The following SH3RF3 variants were observed in gnomAD, a reference collection of about 807,000 sequenced individuals.
The protein encoded by SH3RF3 is SH3 domain containing ring finger 3, also known as E3 ubiquitin-protein ligase SH3RF3.
In SH3RF3, 29 loss-of-function variants were observed where a neutral mutation model predicts 66.3. The ratio of observed to expected loss-of-function variants is 0.44; its 90% CI spans 0.33 to 0.60. The LOEUF (loss-of-function observed/expected upper bound fraction) is 0.60. Ranked by LOEUF, SH3RF3 falls within the 20% of genes least tolerant of loss-of-function variation. The probability of loss-of-function intolerance (pLI) is 0.04; values close to 1 mark genes in which losing one functional copy is unlikely to be tolerated. For synonymous variants in SH3RF3, 583 were observed against 532.0 expected (o/e 1.10, Z -1.32); for missense variants, 1,194 against 1,190.9 (o/e 1.00, Z -0.04).
chr2:109,214,041 G>A (rs1033938626), intron 1 of SH3RF3, among the ~76,000 whole-genome samples: 2 of 152,134 alleles, frequency 1.3e-5, no homozygotes, highest in Non-Finnish European at 2.9e-5. Context: ...CTGCAGTTCT[G>A]GTTGGAGGAA....
chr2:109,383,688 C>G (rs1308420482), intron 3 of SH3RF3, among the ~76,000 whole-genome samples: 1 of 152,132 alleles, frequency 6.6e-6, no homozygotes, highest in Non-Finnish European at 1.5e-5. Flanking sequence ...AGCTTCATTT[C>G]GTTGCTGCTC....
chr2:109,380,003 C>T (rs755291681), intron 3 of SH3RF3, among the ~76,000 whole-genome samples: 3 of 152,014 alleles, frequency 2.0e-5, no homozygotes, highest in Non-Finnish European at 4.4e-5. Context: ...ATTGGATTAA[C>T]GACATAAAGA....
intron 1 of SH3RF3, among the ~76,000 whole-genome samples, chr2:109,271,036 A>G (rs534007926): frequency 1.3e-5 from 2 of 152,248 alleles, no homozygotes; most frequent in South Asian, 4.1e-4. Context: ...GTGCCTGGTG[A>G]TGTCCTGAGT....
chr2:109,469,147 A>T (rs1217119372), intron 8 of SH3RF3, among the ~76,000 whole-genome samples: 1 of 152,286 alleles, frequency 6.6e-6, no homozygotes, highest in Middle Eastern at 3.4e-3. Context: ...CACCCCAAGA[A>T]TGCGGGCCCC....
intron 1 of SH3RF3, among the ~76,000 whole-genome samples, chr2:109,215,704 G>A (rs553486392): frequency 2.0e-5 from 3 of 152,306 alleles, no homozygotes; most frequent in African/African-American, 7.2e-5. Context: ...CACCCAGACC[G>A]TGTGACTCAC....
intron 1 of SH3RF3, among the ~76,000 whole-genome samples, chr2:109,204,598 G>T (rs1432794079): frequency 6.6e-6 from 1 of 152,132 alleles, no homozygotes; most frequent in Non-Finnish European, 1.5e-5. Flanking sequence ...CATCCTCCAG[G>T]TGCCGGCAGC....
At chr2:109,313,332 G>T (rs1681780209) in intron 1 of SH3RF3, among the ~76,000 whole-genome samples, 1 of 152,224 alleles carries the variant, frequency 6.6e-6, no homozygotes, top group Admixed American at 6.5e-5. Context: ...TGTGTTTCTT[G>T]CTGCATTTAT....
intron 8 of SH3RF3, among the ~76,000 whole-genome samples, chr2:109,471,206 C>CAAAAAAA (rs61224177): frequency 1.0e-4 from 4 of 40,140 alleles, no homozygotes; most frequent in Non-Finnish European, 2.0e-4. Flanking sequence ...GACTCTGTCT[C>CAAAAAAA]AAAAAAAAAA....
At chr2:109,493,953 G>A (rs894125797) in intron 9 of SH3RF3, among the ~76,000 whole-genome samples, 4 of 151,904 alleles carry the variant, frequency 2.6e-5, no homozygotes, top group African/African-American at 4.8e-5. Flanking sequence ...AGTCTCCTCC[G>A]CATCAGAACC....
At chr2:109,254,796 C>A (rs1680180354) in intron 1 of SH3RF3, among the ~76,000 whole-genome samples, 1 of 152,182 alleles carries the variant, frequency 6.6e-6, no homozygotes, top group East Asian at 1.9e-4. Context: ...CCAGTTAAGC[C>A]AACAGATGGG....
At chr2:109,483,106 C>A (rs1450507348) in intron 8 of SH3RF3, among the ~76,000 whole-genome samples, 3 of 152,204 alleles carry the variant, frequency 2.0e-5, no homozygotes, top group Non-Finnish European at 4.4e-5. Flanking sequence ...CCCTCCTGTG[C>A]TCTTCCAGTA....
intron 1 of SH3RF3, among the ~76,000 whole-genome samples, chr2:109,337,694 G>T (rs917739733): frequency 6.6e-6 from 1 of 151,902 alleles, no homozygotes; most frequent in Non-Finnish European, 1.5e-5. Context: ...ATGCTACCAG[G>T]TGGGTTATCT....
At chr2:109,348,815 C>T (rs1296081981) in intron 2 of SH3RF3, among the ~76,000 whole-genome samples, 3 of 152,118 alleles carry the variant, frequency 2.0e-5, no homozygotes, top group Non-Finnish European at 4.4e-5. Context: ...CACTGCTGCA[C>T]CTGCTCCCCG....
chr2:109,462,830 T>C (rs755390007), intron 8 of SH3RF3, among the ~76,000 whole-genome samples: 9 of 152,206 alleles, frequency 5.9e-5, no homozygotes, highest in Non-Finnish European at 1.2e-4. Context: ...AAAACTCCAC[T>C]GATCACCTGT....
chr2:109,195,258 G>A (rs1310105643), intron 1 of SH3RF3, among the ~76,000 whole-genome samples: 1 of 152,184 alleles, frequency 6.6e-6, no homozygotes, highest in Non-Finnish European at 1.5e-5. Flanking sequence ...TGCAGTCCAT[G>A]GGAACAGGGA....
intron 2 of SH3RF3, among the ~76,000 whole-genome samples, chr2:109,370,217 CTCTG>C (rs1683238404): frequency 2.7e-5 from 4 of 149,134 alleles, no homozygotes; most frequent in African/African-American, 5.1e-5. Context: ...CTGTCTCTGT[CTCTG>C]TCTCTGTCTC....
chr2:109,373,718 A>G (rs796494087), intron 3 of SH3RF3, among the ~76,000 whole-genome samples: 39 of 152,278 alleles, frequency 2.6e-4, no homozygotes, highest in African/African-American at 9.4e-4. Context: ...AGAGCTGCAC[A>G]GATTATGCTG....
At position 109,146,224 on chromosome 2, in the gene SH3RF3, T is replaced by A. The variant is rs149496232; in HGVS notation, c.573+16111T>A. The stretch of plus-strand genomic sequence containing the variant: ...TATTATTGGAGCTAACACTTGTTGG[T>A]CACTTAGTTCTGGCTGCTCTTATAG... On this transcript the variant is annotated intron_variant, in intron 1 of 9. Coordinates refer to ENST00000309415, the MANE Select transcript of SH3RF3 (RefSeq NM_001099289.3). 7.8e-3 allele frequency among the ~76,000 whole-genome samples: 1,187 copies of A among 152,224 alleles called. 12 individuals carry two copies. Among genetic ancestry groups the A allele is most frequent in the East Asian group, 0.034 (175 of 5,172 alleles).
At chr2:109,383,312 G>A (rs1675743748) in intron 3 of SH3RF3, among the ~76,000 whole-genome samples, 2 of 152,170 alleles carry the variant, frequency 1.3e-5, no homozygotes, top group Admixed American at 6.5e-5. Context: ...AGTCACTGGG[G>A]GGTCATGGGG....
Sources: allele counts gnomAD v4.1 joint callset (sites outside exome capture counted in the v4.1 genomes callset), GRCh38; gene constraint gnomAD v4.1.1; transcripts MANE v1.5; gene names NCBI Gene and HGNC (gene_info 2026-07-23, HGNC 2026-07-21).